FLRT1: variants seen among roughly 807,000 people sequenced by gnomAD.
FLRT1 encodes fibronectin leucine rich transmembrane protein 1.
In FLRT1, 14 loss-of-function variants were observed where a neutral mutation model predicts 30.9. That is an observed-to-expected ratio of 0.45 (90% confidence interval 0.30 to 0.71). FLRT1 has a LOEUF of 0.71. Ranked by LOEUF, FLRT1 falls within the 30% of genes least tolerant of loss-of-function variation. FLRT1 has a pLI of 0.08. For missense variants in FLRT1, 737 were observed against 949.2 expected (o/e 0.78, Z 2.94); for synonymous variants, 368 against 430.4 (o/e 0.85, Z 1.80).
At chr11:64,081,124 C>T (rs1437725747) in intron 1 of FLRT1, among the ~76,000 whole-genome samples, 1 of 152,188 alleles carries the variant, frequency 6.6e-6, no homozygotes, top group African/African-American at 2.4e-5. Flanking sequence ...CAGGTTCAGA[C>T]AATTCTTCTG....
At chr11:64,095,285 A>G (rs1385179052) in intron 1 of FLRT1, among the ~76,000 whole-genome samples, 3 of 152,056 alleles carry the variant, frequency 2.0e-5, no homozygotes, top group Admixed American at 6.5e-5. Flanking sequence ...TGTTACAACC[A>G]TTTTCTCCTC....
In FLRT1 at chr11:64,036,977, A is replaced by G. The variant is rs11826951; in HGVS notation, c.-1038+818A>G. On this transcript the variant is annotated intron_variant, in intron 1 of 2. Transcript: ENST00000682287. This position sits in a 1 kb window ranked among gnomAD's most constrained non-coding sequence, Gnocchi z 5.6. ...TCCCCGAGGAGGAGAAAGTTGTGGA[A>G]CAGGGACACCAGGGAGCTGCCACAG... Among the ~76,000 whole-genome samples the G allele has an allele frequency of 0.035, 5,378 of 152,282 alleles. 308 individuals are homozygous for G. The highest frequency in any genetic ancestry group is 0.12 in the African/African-American group (5,042 of 41,552).
chr11:64,055,589 A>G (rs888021051), intron 1 of FLRT1, among the ~76,000 whole-genome samples: 2 of 152,196 alleles, frequency 1.3e-5, no homozygotes, highest in Non-Finnish European at 2.9e-5. Context: ...CTGTCCCTCC[A>G]CGAGGCAGCC....
At chr11:64,093,703 A>G (rs973415414) in intron 1 of FLRT1, among the ~76,000 whole-genome samples, 3 of 152,190 alleles carry the variant, frequency 2.0e-5, no homozygotes, top group Admixed American at 6.5e-5. Flanking sequence ...GTCATGGCCA[A>G]GGTCACTCCC....
chr11:64,099,771 G>A (rs1027543896), intron 1 of FLRT1, among the ~76,000 whole-genome samples: 2 of 151,800 alleles, frequency 1.3e-5, no homozygotes, highest in Non-Finnish European at 2.9e-5. Flanking sequence ...TGGAGAGATG[G>A]ATAGGTGAAT....
In FLRT1 at chr11:64,057,008, G is replaced by A. The variant is rs191529752; in HGVS notation, c.-1038+20849G>A. Reference sequence around the variant, plus strand: ...GCCCTTCCTTTCAGCTTCTGCGCCCGTGTCACCCCCCTAAGCAAGCCTGCC... The same window carrying A: ...GCCCTTCCTTTCAGCTTCTGCGCCCATGTCACCCCCCTAAGCAAGCCTGCC... On this transcript the variant is annotated intron_variant, in intron 1 of 2. Transcript: ENST00000682287. 4.6e-5 allele frequency among the ~76,000 whole-genome samples: 7 copies of A among 152,250 alleles called. 1 individual carries two copies. Among genetic ancestry groups the A allele is most frequent in the African/African-American group, 1.7e-4 (7 of 41,560 alleles).
At chr11:64,058,187 C>CT (rs1943826956) in intron 1 of FLRT1, among the ~76,000 whole-genome samples, 1 of 152,268 alleles carries the variant, frequency 6.6e-6, no homozygotes, top group Non-Finnish European at 1.5e-5. Context: ...CACGAAATGA[C>CT]TAATCCTCTC....
intron 1 of FLRT1, among the ~76,000 whole-genome samples, chr11:64,040,159 A>C (rs1943457813): frequency 6.6e-6 from 1 of 152,162 alleles, no homozygotes; most frequent in South Asian, 2.1e-4. Context: ...GCTTCCAGTC[A>C]GATGTGGTGT....
chr11:64,052,459 G>C (rs1181073332), intron 1 of FLRT1, among the ~76,000 whole-genome samples: 1 of 152,144 alleles, frequency 6.6e-6, no homozygotes, highest in Non-Finnish European at 1.5e-5. Flanking sequence ...GGACTACAGG[G>C]GCAGGCCTGG....
At chr11:64,062,645 C>T (rs1943926762) in intron 1 of FLRT1, among the ~76,000 whole-genome samples, 1 of 152,216 alleles carries the variant, frequency 6.6e-6, no homozygotes, top group Non-Finnish European at 1.5e-5. Context: ...GGCCCTGCCT[C>T]AGTCTCCAGC....
chr11:64,054,403 G>C (rs1943746917), intron 1 of FLRT1, among the ~76,000 whole-genome samples: 1 of 152,246 alleles, frequency 6.6e-6, no homozygotes, highest in Non-Finnish European at 1.5e-5. Context: ...GATAGGCTTT[G>C]AGCTCTTCTG....
chr11:64,048,258 T>G (rs1294598930), intron 1 of FLRT1, among the ~76,000 whole-genome samples: 2 of 152,186 alleles, frequency 1.3e-5, no homozygotes, highest in African/African-American at 4.8e-5. Flanking sequence ...AAGGCCTCAT[T>G]GTGGCAGGAG....
chr11:64,082,210 A>T lies in FLRT1; in HGVS notation c.-1037-20984A>T, dbSNP rs1382461542. ...GGAGCAGGCGCGAAACATCCCTTAA[A>T]TATTGGTGCTCTCGGCAGCACTGGG... On this transcript the variant is annotated intron_variant, in intron 1 of 2. Coordinates refer to ENST00000682287, the MANE Select transcript of FLRT1 (RefSeq NM_013280.5). This position sits in a 1 kb window ranked among gnomAD's most constrained non-coding sequence, Gnocchi z 4.5. Among the ~76,000 whole-genome samples the T allele has an allele frequency of 6.6e-6, 1 of 151,960 alleles. No individual in the cohort carries two copies. Among genetic ancestry groups the T allele is most frequent in the East Asian group, 1.9e-4 (1 of 5,168 alleles).
Position 64,116,317 on chromosome 11 carries a change from C to T in FLRT1, c.50C>T (p.Thr17Ile), listed in dbSNP as rs1430977557. The T allele has an allele frequency of 1.2e-6, 2 of 1,609,224 alleles. No individual in the cohort carries two copies. Among genetic ancestry groups the T allele is most frequent in the Non-Finnish European group, 1.7e-6 (2 of 1,178,770 alleles). Residue 17 changes from threonine to isoleucine, a missense_variant, in exon 3 of 3, where the codon ACT becomes ATT. Transcript: ENST00000682287. ...ACTGCCACCACCACGCCCACTGCCA[C>T]TGTCACGGCCACCGTTGTGATGACC... ...TATATTTPTA[T>I]VTATVVMTTA...
chr11:64,114,759 A>C (rs1439139080), intron 2 of FLRT1, among the ~76,000 whole-genome samples: 2 of 152,188 alleles, frequency 1.3e-5, no homozygotes, highest in Middle Eastern at 3.4e-3. Flanking sequence ...CCATGCATGA[A>C]TTGATGGATG....
chr11:64,059,915 C>T (rs1419435830), intron 1 of FLRT1, among the ~76,000 whole-genome samples: 1 of 152,096 alleles, frequency 6.6e-6, no homozygotes, highest in African/African-American at 2.4e-5. Context: ...GGCTGGCAAC[C>T]GCGACCTCCT....
intron 1 of FLRT1, among the ~76,000 whole-genome samples, chr11:64,045,582 C>T (rs1477304586): frequency 1.3e-5 from 2 of 152,090 alleles, no homozygotes; most frequent in Non-Finnish European, 2.9e-5. Context: ...GAGGGTCTGC[C>T]GAGGGAGCAG....
Position 64,118,927 on chromosome 11 carries a change from TA to T in FLRT1, c.*647del, listed in dbSNP as rs5792312. ...TTCTTTGAACAATCATGTAGTCGAT[TA>T]AAAAAAAAAAACAAACTTTTTTTTC... On this transcript the variant is annotated 3_prime_UTR_variant, in exon 3 of 3. Transcript: ENST00000682287. The T allele has an allele frequency of 0.12, 18,221 of 156,554 alleles. 1,170 individuals are homozygous for T. Among genetic ancestry groups the T allele is most frequent in the Non-Finnish European group, 0.16 (10,860 of 66,094 alleles). The allele number at this position is 156,554 out of a possible 1,614,324, so 9.7% of individuals were successfully genotyped here.
At chr11:64,085,404 G>A (rs1339912149) in intron 1 of FLRT1, among the ~76,000 whole-genome samples, 1 of 152,226 alleles carries the variant, frequency 6.6e-6, no homozygotes. Flanking sequence ...CTGCCTTCCG[G>A]GGACGGAGGG....
Sources: gnomAD v4.1 joint callset for allele counts (sites outside exome capture counted in the v4.1 genomes callset) on GRCh38, gnomAD v4.1.1 for gene constraint, Gnocchi (gnomAD v3.1) non-coding constraint, MANE v1.5 for transcripts, NCBI Gene and HGNC (gene_info 2026-07-23, HGNC 2026-07-21) for gene names.